SPTLC3: variants seen among roughly 807,000 people sequenced by gnomAD.
SPTLC3 encodes the protein serine palmitoyltransferase 3.
In SPTLC3, 36 loss-of-function variants were observed where a neutral mutation model predicts 59.3. The ratio of observed to expected loss-of-function variants is 0.61; its 90% CI spans 0.47 to 0.80. The LOEUF (loss-of-function observed/expected upper bound fraction) is 0.80, where lower values mean the gene tolerates loss of function less well. Among genes scored for constraint, SPTLC3 ranks in the 30% least tolerant of loss-of-function variants. The pLI is 0.00. For synonymous variants in SPTLC3, 257 were observed against 240.8 expected, an observed-to-expected ratio of 1.07 and a Z score of -0.62; for missense variants, 625 against 685.1, an observed-to-expected ratio of 0.91 and a Z score of 0.98.
At chr20:13,034,506 C>T (rs1396048214) in intron 1 of SPTLC3, among the ~76,000 whole-genome samples, 3 of 152,124 alleles carry the variant, frequency 2.0e-5, no homozygotes, top group Admixed American at 1.3e-4. Flanking sequence ...CTGATGGTGT[C>T]CCATAATTCT....
chr20:13,090,315 T>C (rs893700397), intron 4 of SPTLC3, among the ~76,000 whole-genome samples: 1 of 152,238 alleles, frequency 6.6e-6, no homozygotes, highest in South Asian at 2.1e-4. Context: ...ACCTGCATTA[T>C]TGGGCTTCTA....
rs34511643 is a variant in SPTLC3 at position 13,165,099 on chromosome 20, T to TAC, written c.*253_*254dup. On this transcript the variant is annotated 3_prime_UTR_variant, in exon 12 of 12. Transcript: ENST00000399002. The stretch of plus-strand genomic sequence containing the variant: ...CTTCTTCCAAGTATTCTACTAGAAA[T>TAC]ACACACACACACACACACACACTTC... The TAC allele has an allele frequency of 0.28, 103,133 of 371,808 alleles. 10,227 individuals carry two copies. Among genetic ancestry groups the TAC allele is most frequent in the African/African-American group, 0.38 (18,221 of 48,080 alleles). 23.0% of individuals were successfully genotyped at this position (371,808 alleles called of 1,614,324 possible). A position where few individuals can be genotyped will look rare whatever the true frequency, so the allele number is the denominator to read the frequency against.
chr20:13,017,914 T>C (rs1272912901), intron 1 of SPTLC3, among the ~76,000 whole-genome samples: 1 of 152,166 alleles, frequency 6.6e-6, no homozygotes, highest in Non-Finnish European at 1.5e-5. Flanking sequence ...TTGAACCCAG[T>C]CCTTGTAGAG....
Position 13,136,000 on chromosome 20 carries a change from G to C in SPTLC3, c.1279+9283G>C, listed in dbSNP as rs143937917. Among the ~76,000 whole-genome samples the C allele has an allele frequency of 1.0e-3, 153 of 152,304 alleles. No individual in the cohort carries two copies. The South Asian group carries it at 0.014, about 14-fold the overall frequency. On this transcript the variant is annotated intron_variant, in intron 9 of 11. Coordinates refer to ENST00000399002, the MANE Select transcript of SPTLC3 (RefSeq NM_018327.4). ...CAGTAATGGAAATTTACTTACAAGA[G>C]AAAAGGTATACAGAATTTCAATTAC...
At chr20:13,113,386 C>G (rs1990351053) in intron 7 of SPTLC3, among the ~76,000 whole-genome samples, 1 of 152,050 alleles carries the variant, frequency 6.6e-6, no homozygotes, top group South Asian at 2.1e-4. Context: ...ATGGGTAAAG[C>G]ACCCCCACAT....
chr20:13,089,809 A>C (rs1052558436), intron 4 of SPTLC3, among the ~76,000 whole-genome samples: 6 of 151,216 alleles, frequency 4.0e-5, no homozygotes, highest in Admixed American at 1.3e-4. Flanking sequence ...AAAAAACAAA[A>C]CAATGTGCTA....
intron 1 of SPTLC3, among the ~76,000 whole-genome samples, chr20:13,032,612 A>G (rs753028136): frequency 6.6e-6 from 1 of 152,100 alleles, no homozygotes; most frequent in Non-Finnish European, 1.5e-5. Context: ...GAAGGTCTTT[A>G]CCACCTCTCT....
At chr20:13,035,127 C>G (rs1048689652) in intron 1 of SPTLC3, among the ~76,000 whole-genome samples, 5 of 152,138 alleles carry the variant, frequency 3.3e-5, no homozygotes, top group African/African-American at 4.8e-5. Flanking sequence ...CTGAACATCT[C>G]TCTATGTACC....
At chr20:13,054,050 A>G (rs1987613217) in intron 2 of SPTLC3, among the ~76,000 whole-genome samples, 1 of 152,184 alleles carries the variant, frequency 6.6e-6, no homozygotes, top group Non-Finnish European at 1.5e-5. Flanking sequence ...TTAAATTGGG[A>G]TCTAGACGCT....
At chr20:13,121,423 G>T (rs905737036) in intron 8 of SPTLC3, among the ~76,000 whole-genome samples, 4 of 152,160 alleles carry the variant, frequency 2.6e-5, no homozygotes, top group Non-Finnish European at 4.4e-5. Flanking sequence ...GTAAGCAGGG[G>T]TCAGGGAGTG....
In SPTLC3 at chr20:13,119,896, A is replaced by G. The variant is rs1568612041; in HGVS notation, c.1152+2171A>G. On this transcript the variant is annotated intron_variant, in intron 8 of 11. Coordinates refer to ENST00000399002, the MANE Select transcript of SPTLC3 (RefSeq NM_018327.4). ...TCAGTCAGATACACACCTGTGTGGA[A>G]TGATTTTGGTCAGACTGTGATAAAC... Among the ~76,000 whole-genome samples, 6 of 152,336 alleles carry G rather than the reference A, an allele frequency of 3.9e-5. No homozygotes were observed. In the South Asian group the frequency reaches 1.2e-3, roughly 32 times the overall value.
chr20:13,115,613 C>A (rs1210771643), intron 7 of SPTLC3, among the ~76,000 whole-genome samples: 1 of 152,136 alleles, frequency 6.6e-6, no homozygotes, highest in Admixed American at 6.5e-5. Context: ...GACCTGCAGC[C>A]ATTTATTATG....
At chr20:13,084,486 G>A (rs1988942782) in intron 4 of SPTLC3, among the ~76,000 whole-genome samples, 1 of 152,160 alleles carries the variant, frequency 6.6e-6, no homozygotes, top group East Asian at 1.9e-4. Context: ...CTAACTGTGT[G>A]ACCGTGGAAC....
Position 13,159,989 on chromosome 20 carries a change from T to C in SPTLC3, c.1416-14T>C. On this transcript the variant is annotated splice_polypyrimidine_tract_variant and intron_variant, in intron 10 of 11. Coordinates refer to ENST00000399002, the MANE Select transcript of SPTLC3 (RefSeq NM_018327.4). ...TAACCACTTTTTTTTTTTCTTTTTT[T>C]GCTTTTCCTTAAGGGCTTTTGCAAG... The C allele has an allele frequency of 6.5e-7, 1 of 1,531,618 alleles. No homozygotes were observed. The highest frequency in any genetic ancestry group is 1.4e-5 in the African/African-American group (1 of 72,324). The allele number at this position is 1,531,618 out of a possible 1,614,324, so 94.9% of individuals were successfully genotyped here. A position where few individuals can be genotyped will look rare whatever the true frequency, so the allele number is the denominator to read the frequency against.
At chr20:13,116,185 G>A (rs1262056016) in intron 7 of SPTLC3, among the ~76,000 whole-genome samples, 1 of 152,108 alleles carries the variant, frequency 6.6e-6, no homozygotes, top group Non-Finnish European at 1.5e-5. Flanking sequence ...CAGCTGGACT[G>A]TTTTGACTGA....
intron 9 of SPTLC3, among the ~76,000 whole-genome samples, chr20:13,151,394 C>T (rs896979585): frequency 1.3e-5 from 2 of 152,322 alleles, no homozygotes; most frequent in South Asian, 2.1e-4. Context: ...GGGTCAAGGG[C>T]ATGCTCCATT....
At chr20:13,159,468 TG>T (rs1213347264) in intron 10 of SPTLC3, among the ~76,000 whole-genome samples, 2 of 152,166 alleles carry the variant, frequency 1.3e-5, no homozygotes, top group African/African-American at 4.8e-5. Context: ...AATATTGGCT[TG>T]GGGTTGGATA....
Position 13,164,837 on chromosome 20 carries a change from T to C in SPTLC3, c.1629T>C (p.Tyr543=), listed in dbSNP as rs1198662528. ...AGAAGTCAGCACGTCCTGAGCTCTA[T>C]GATGAGACGAGCTTTGAACTCGAAG... ...RHKKSARPEL[Y]DETSFELED The change falls in exon 12 of 12, where the codon TAT becomes TAC. Residue 543 remains tyrosine (Y), a synonymous_variant. Transcript: ENST00000399002. 1.2e-6 allele frequency: 2 copies of C among 1,613,722 alleles called. No individual in the cohort carries two copies. Among genetic ancestry groups the C allele is most frequent in the Middle Eastern group, 1.7e-4 (1 of 6,058 alleles).
intron 10 of SPTLC3, among the ~76,000 whole-genome samples, chr20:13,157,568 A>AT (rs2038804208): frequency 6.6e-6 from 1 of 152,194 alleles, no homozygotes. Flanking sequence ...GCTTTAGTCC[A>AT]TAGGAAAAAA....
Sources: allele counts gnomAD v4.1 joint callset (sites outside exome capture counted in the v4.1 genomes callset), GRCh38; gene constraint gnomAD v4.1.1; transcripts MANE v1.5; gene names NCBI Gene and HGNC (gene_info 2026-07-23, HGNC 2026-07-21).